The following LEPR variants were observed in gnomAD, a reference collection of about 807,000 sequenced individuals.
The protein encoded by LEPR is leptin receptor.
LEPR carries 56 observed loss-of-function variants against 114.7 expected under a neutral mutation model. The observed-to-expected ratio is 0.49, with a 90% CI of 0.39 to 0.61. LEPR has a LOEUF of 0.61. Among genes scored for constraint, LEPR ranks in the 20% least tolerant of loss-of-function variants. The pLI, the probability that LEPR is intolerant of heterozygous loss-of-function variation, is 0.00. For missense variants in LEPR, 1,202 were observed against 1,352.9 expected, an observed-to-expected ratio of 0.89 and a Z score of 1.75; for synonymous variants, 443 against 461.4, an observed-to-expected ratio of 0.96 and a Z score of 0.51.
chr1:65,421,595 A>G (rs1156691995), intron 1 of LEPR: 1 of 969,056 alleles, frequency 1.0e-6, no homozygotes, highest in East Asian at 2.6e-5. Flanking sequence ...TAGATAGTAT[A>G]TATACGAGTA....
At chr1:65,521,983 C>T (rs533405644) in intron 2 of LEPR, among the ~76,000 whole-genome samples, 5 of 151,952 alleles carry the variant, frequency 3.3e-5, no homozygotes, top group Non-Finnish European at 7.4e-5. Context: ...ACCTGTAATC[C>T]CAGCTACTCG....
intron 2 of LEPR, among the ~76,000 whole-genome samples, chr1:65,552,152 C>A (rs138517453): frequency 2.3e-4 from 35 of 152,074 alleles, no homozygotes; most frequent in African/African-American, 7.0e-4. Flanking sequence ...AGAATAAGCG[C>A]GATGTGGTGC....
intron 19 of LEPR, among the ~76,000 whole-genome samples, chr1:65,631,964 G>C (rs2101039448): frequency 6.6e-6 from 1 of 151,902 alleles, no homozygotes; most frequent in Middle Eastern, 3.4e-3. Context: ...CTCATTCTCT[G>C]TTTTTTGTTT....
chr1:65,499,607 T>G (rs1304828535), intron 2 of LEPR, among the ~76,000 whole-genome samples: 2 of 152,106 alleles, frequency 1.3e-5, no homozygotes, highest in Non-Finnish European at 2.9e-5. Flanking sequence ...GTTGTCAGGT[T>G]TAGTGTAGTA....
intron 3 of LEPR, among the ~76,000 whole-genome samples, chr1:65,568,837 T>C (rs1469595678): frequency 6.6e-6 from 1 of 152,206 alleles, no homozygotes; most frequent in Non-Finnish European, 1.5e-5. Flanking sequence ...CCAACATCTA[T>C]TATTTTTTGA....
At chr1:65,542,300 GTTTTTC>G (rs1349395056) in intron 2 of LEPR, among the ~76,000 whole-genome samples, 2 of 151,360 alleles carry the variant, frequency 1.3e-5, no homozygotes, top group African/African-American at 4.9e-5. Context: ...CCTAAGGGCT[GTTTTTC>G]TTTTTAAACG....
At chr1:65,583,193 G>A (rs1041059922) in intron 5 of LEPR, among the ~76,000 whole-genome samples, 2 of 152,174 alleles carry the variant, frequency 1.3e-5, no homozygotes, top group Non-Finnish European at 2.9e-5. Flanking sequence ...AACTCAAGCT[G>A]AGCCCAACAA....
intron 11 of LEPR, among the ~76,000 whole-genome samples, chr1:65,606,948 G>GAAAAAGAAATCTTATAATTA (rs1656853105): frequency 6.6e-6 from 1 of 152,152 alleles, no homozygotes; most frequent in African/African-American, 2.4e-5. Context: ...ATATGAAAGG[G>GAAAAAGAAATCTTATAATTA]AGACTATACC....
chr1:65,449,309 A>T (rs1326979796), intron 2 of LEPR, among the ~76,000 whole-genome samples: 1 of 148,566 alleles, frequency 6.7e-6, no homozygotes, highest in Admixed American at 6.7e-5. Context: ...AAAAAGAGCA[A>T]TTGAATTGTT....
chr1:65,493,270 T>C (rs978050466), intron 2 of LEPR, among the ~76,000 whole-genome samples: 1 of 152,164 alleles, frequency 6.6e-6, no homozygotes, highest in Non-Finnish European at 1.5e-5. Flanking sequence ...TGTTCTATTT[T>C]TACTGCAACT....
intron 3 of LEPR, among the ~76,000 whole-genome samples, chr1:65,567,762 G>A (rs1653874451): frequency 6.6e-6 from 1 of 151,878 alleles, no homozygotes; most frequent in Non-Finnish European, 1.5e-5. Context: ...TTATTTTTTA[G>A]AGCAGTTTTA....
chr1:65,430,412 A>G (rs898719398), intron 2 of LEPR: 1 of 160,554 alleles, frequency 6.2e-6, no homozygotes, highest in Non-Finnish European at 1.4e-5. Context: ...TTCTCCTGCA[A>G]ATGGGATCAT....
In LEPR at chr1:65,610,448, G is replaced by A. The variant is rs987127374; in HGVS notation, c.1995+152G>A. The A allele has an allele frequency of 8.2e-5, 58 of 704,844 alleles. 2 individuals are homozygous for A. The South Asian group carries it at 1.1e-3, about 14-fold the overall frequency. The allele number at this position is 704,844 out of a possible 1,614,324, so 43.7% of individuals were successfully genotyped here. On this transcript the variant is annotated intron_variant, in intron 14 of 19. Transcript: ENST00000349533. ...AGATGTATTTAAAGAGAGCTAAGAT[G>A]TACAGTGGCTGAAGCACTGGCATAG... is the stretch of plus-strand genomic sequence containing the variant.
intron 6 of LEPR, among the ~76,000 whole-genome samples, chr1:65,595,835 G>A (rs10789189): frequency 0.5 from 76,390 of 151,818 alleles, 20,038 homozygotes; most frequent in East Asian, 0.88. Context: ...ATAAATGTGT[G>A]TTAAACTTTC....
Position 65,421,421 on chromosome 1 carries a change from G to A in LEPR, c.-97+681G>A, listed in dbSNP as rs952132589. The A allele has an allele frequency of 2.6e-6, 4 of 1,535,998 alleles. No homozygotes were observed. The African/African-American group carries it at 4.1e-5, about 16-fold the overall frequency. On this transcript the variant is annotated intron_variant, in intron 1 of 19. Coordinates refer to ENST00000349533, the MANE Select transcript of LEPR (RefSeq NM_002303.6). The stretch of plus-strand genomic sequence containing the variant: ...TATCTGTATGGCTTCAGAGCAATGC[G>A]AGACGGAAAAGGTTTTTTGCAAGGC...
intron 2 of LEPR, among the ~76,000 whole-genome samples, chr1:65,445,718 T>G (rs1007501265): frequency 6.6e-6 from 1 of 152,126 alleles, no homozygotes; most frequent in Non-Finnish European, 1.5e-5. Flanking sequence ...CACACTGAAC[T>G]TAGAGTTTTG....
At chr1:65,617,602 C>T (rs1657609476) in intron 15 of LEPR, among the ~76,000 whole-genome samples, 1 of 152,208 alleles carries the variant, frequency 6.6e-6, no homozygotes, top group African/African-American at 2.4e-5. Flanking sequence ...AAGTGGGATG[C>T]TGTGCAGATG....
intron 2 of LEPR, among the ~76,000 whole-genome samples, chr1:65,549,097 G>T (rs1178224983): frequency 6.6e-6 from 1 of 151,556 alleles, no homozygotes; most frequent in East Asian, 1.9e-4. Context: ...TGAAATTCTG[G>T]GTTGAAAATT....
At position 65,636,546 on chromosome 1, in the gene LEPR, C is replaced by G. The variant is rs879122567; in HGVS notation, c.3029C>G (p.Thr1010Ser). Residue 1010 changes from threonine to serine, a missense_variant, in exon 20 of 20, where the codon ACC becomes AGC. Coordinates refer to ENST00000349533, the MANE Select transcript of LEPR (RefSeq NM_002303.6). ...EEQGLINSSV[T>S]KCFSSKNSPL... ...CAAGGGCTTATAAATAGTTCAGTCA[C>G]CAAGTGCTTCTCTAGCAAAAATTCT... The G allele has an allele frequency of 1.2e-6, 2 of 1,614,016 alleles. No individual in the cohort carries two copies. The highest frequency in any genetic ancestry group is 1.1e-5 in the South Asian group (1 of 91,080).
Sources: gnomAD v4.1 joint callset for allele counts (sites outside exome capture counted in the v4.1 genomes callset) on GRCh38, gnomAD v4.1.1 for gene constraint, MANE v1.5 for transcripts, NCBI Gene and HGNC (gene_info 2026-07-23, HGNC 2026-07-21) for gene names.